PSD3: variants seen among roughly 807,000 people sequenced by gnomAD.
PSD3 encodes the protein pleckstrin and Sec7 domain containing 3, also known as PH and SEC7 domain-containing protein 3.
In PSD3, 49 loss-of-function variants were observed where a neutral mutation model predicts 105.5. The observed-to-expected ratio is 0.46, with a 90% CI of 0.37 to 0.59. PSD3 has a LOEUF of 0.59. PSD3 is among the 20% of genes least tolerant of loss of function. The probability of loss-of-function intolerance (pLI) is 0.00; values close to 1 mark genes in which losing one functional copy is unlikely to be tolerated. For missense variants in PSD3, 1,561 were observed against 1,263.8 expected, an observed-to-expected ratio of 1.24 and a Z score of -3.57; for synonymous variants, 557 against 457.8, an observed-to-expected ratio of 1.22 and a Z score of -2.77.
At chr8:18,893,887 C>G (rs1449793600) in intron 2 of PSD3, among the ~76,000 whole-genome samples, 1 of 152,222 alleles carries the variant, frequency 6.6e-6, no homozygotes, top group African/African-American at 2.4e-5. Context: ...CTCCCACTCC[C>G]CTTTAGTGAT....
intron 4 of PSD3, among the ~76,000 whole-genome samples, chr8:18,826,882 C>T (rs1180730077): frequency 6.6e-6 from 1 of 152,060 alleles, no homozygotes; most frequent in Non-Finnish European, 1.5e-5. Context: ...TAATTAGTAC[C>T]AGCTCATACC....
In PSD3 at chr8:18,997,943, CTCATACACTGTCTG is replaced by C. The variant is rs202145253; in HGVS notation, c.21+15606_21+15619del. ...TACACACACGCACATGCAGACACAA[CTCATACACTGTCTG>C]TCTTACCTTGTAAGAACAAGGATTT... On this transcript the variant is annotated intron_variant, in intron 1 of 15. Coordinates refer to ENST00000327040, the MANE Select transcript of PSD3 (RefSeq NM_015310.4). 4.2e-4 allele frequency among the ~76,000 whole-genome samples: 64 copies of C among 152,156 alleles called. 1 individual carries two copies. The East Asian group carries it at 7.7e-3, about 18-fold the overall frequency.
chr8:19,026,046 G>A (rs1460661383), intron 1 of PSD3, among the ~76,000 whole-genome samples: 1 of 152,160 alleles, frequency 6.6e-6, no homozygotes, highest in Non-Finnish European at 1.5e-5. Context: ...AAGAGCACCT[G>A]TGCAGGAGAA....
At chr8:18,771,704 TG>T (rs34432842) in intron 8 of PSD3, among the ~76,000 whole-genome samples, 9 of 152,228 alleles carry the variant, frequency 5.9e-5, no homozygotes, top group Admixed American at 1.3e-4. Flanking sequence ...ATCTAGCTGT[TG>T]AGCTTTATAT....
At chr8:19,045,150 A>G (rs551003789) in intron 1 of PSD3, among the ~76,000 whole-genome samples, 1 of 152,304 alleles carries the variant, frequency 6.6e-6, no homozygotes, top group South Asian at 2.1e-4. Context: ...ATGCCATTGC[A>G]CTTCAGCCAG....
intron 9 of PSD3, among the ~76,000 whole-genome samples, chr8:18,760,718 T>A (rs1806449403): frequency 6.6e-6 from 1 of 152,156 alleles, no homozygotes; most frequent in Non-Finnish European, 1.5e-5. Flanking sequence ...GTTTCAGAAA[T>A]ATGCACATAA....
intron 11 of PSD3, among the ~76,000 whole-genome samples, chr8:18,601,988 C>A (rs1804473469): frequency 6.6e-6 from 1 of 152,138 alleles, no homozygotes; most frequent in African/African-American, 2.4e-5. Context: ...ACCCACCAGC[C>A]CCTAACAAGT....
chr8:18,643,772 A>G (rs1186358610), intron 10 of PSD3, among the ~76,000 whole-genome samples: 1 of 152,200 alleles, frequency 6.6e-6, no homozygotes. Flanking sequence ...GGCTTAGACG[A>G]CCCAGCAGCT....
chr8:18,750,553 C>T (rs1271601878), intron 9 of PSD3, among the ~76,000 whole-genome samples: 3 of 152,144 alleles, frequency 2.0e-5, no homozygotes, highest in African/African-American at 7.2e-5. Context: ...AGCGAAAGAA[C>T]AAACCTTCCA....
intron 4 of PSD3, among the ~76,000 whole-genome samples, chr8:18,838,799 C>A (rs1396734265): frequency 8.0e-6 from 1 of 125,214 alleles, no homozygotes; most frequent in Non-Finnish European, 1.7e-5. Flanking sequence ...GAGACTCCGT[C>A]TCAAATAATA....
intron 2 of PSD3, among the ~76,000 whole-genome samples, chr8:18,883,440 G>C (rs1818252663): frequency 6.6e-6 from 1 of 152,188 alleles, no homozygotes; most frequent in African/African-American, 2.4e-5. Context: ...TGCCTCTGCT[G>C]TAATATGACC....
At chr8:18,610,242 T>TG (rs1414560624) in intron 11 of PSD3, among the ~76,000 whole-genome samples, 1 of 152,222 alleles carries the variant, frequency 6.6e-6, no homozygotes, top group Non-Finnish European at 1.5e-5. Context: ...TGAGTCCTTG[T>TG]GGATGAACTG....
chr8:18,913,452 G>A (rs1820379038), intron 2 of PSD3, among the ~76,000 whole-genome samples: 1 of 151,932 alleles, frequency 6.6e-6, no homozygotes. Flanking sequence ...ATGGCCAAAG[G>A]CTTCAGACCT....
At chr8:18,818,202 G>A (rs1039953905) in intron 4 of PSD3, among the ~76,000 whole-genome samples, 1 of 152,086 alleles carries the variant, frequency 6.6e-6, no homozygotes, top group African/African-American at 2.4e-5. Flanking sequence ...TGATCCATCC[G>A]CCTCGGCCTC....
intron 1 of PSD3, among the ~76,000 whole-genome samples, chr8:19,054,476 G>C (rs1373084608): frequency 6.6e-6 from 1 of 152,118 alleles, no homozygotes; most frequent in Admixed American, 6.5e-5. Context: ...AAAGGAGGAA[G>C]GGAAGGAGAA....
chr8:18,981,516 G>A (rs768475910), intron 1 of PSD3, among the ~76,000 whole-genome samples: 1 of 152,160 alleles, frequency 6.6e-6, no homozygotes, highest in Non-Finnish European at 1.5e-5. Flanking sequence ...GAACAAGTAA[G>A]CTAGCACTTG....
At chr8:18,985,775 T>C (rs1325535390) in intron 1 of PSD3, among the ~76,000 whole-genome samples, 1 of 152,176 alleles carries the variant, frequency 6.6e-6, no homozygotes, top group Non-Finnish European at 1.5e-5. Flanking sequence ...ATCTTTTCTT[T>C]CTAAATATTA....
chr8:18,812,218 G>T (rs891911049), intron 4 of PSD3, among the ~76,000 whole-genome samples: 1 of 152,206 alleles, frequency 6.6e-6, no homozygotes, highest in Non-Finnish European at 1.5e-5. Context: ...ATGTTTGACA[G>T]ATGATGAGGA....
At chr8:19,053,562 G>A (rs1828602948) in intron 1 of PSD3, among the ~76,000 whole-genome samples, 1 of 152,062 alleles carries the variant, frequency 6.6e-6, no homozygotes, top group Non-Finnish European at 1.5e-5. Flanking sequence ...ACTTTTGGAG[G>A]CCAAGGCAGC....
Sources: allele counts gnomAD v4.1 joint callset (sites outside exome capture counted in the v4.1 genomes callset), GRCh38; gene constraint gnomAD v4.1.1; transcripts MANE v1.5; gene names NCBI Gene and HGNC (gene_info 2026-07-23, HGNC 2026-07-21).